CRPPA: variants seen among roughly 807,000 people sequenced by gnomAD.
CRPPA encodes the protein D-ribitol-5-phosphate cytidylyltransferase.
In CRPPA, 43 loss-of-function variants were observed where a neutral mutation model predicts 52.0. That is an observed-to-expected ratio of 0.83 (90% confidence interval 0.65 to 1.07). The LOEUF is 1.07. Among genes scored for constraint, CRPPA ranks in the 50% least tolerant of loss-of-function variants. CRPPA has a pLI of 0.00. For missense variants in CRPPA, 629 were observed against 551.7 expected (o/e 1.14, Z -1.40); for synonymous variants, 250 against 203.5 (o/e 1.23, Z -1.94).
intron 9 of CRPPA, among the ~76,000 whole-genome samples, chr7:16,166,796 T>C (rs1478044044): frequency 6.6e-6 from 1 of 152,104 alleles, no homozygotes; most frequent in Non-Finnish European, 1.5e-5. Context: ...CACTACTCTG[T>C]AAAAACATCC....
intron 9 of CRPPA, among the ~76,000 whole-genome samples, chr7:16,123,249 C>A (rs968664057): frequency 6.6e-6 from 1 of 152,048 alleles, no homozygotes; most frequent in Non-Finnish European, 1.5e-5. Flanking sequence ...CATTTTTCTT[C>A]CCTTCAAAAC....
chr7:16,120,440 A>T (rs1026744522), intron 9 of CRPPA, among the ~76,000 whole-genome samples: 10 of 152,200 alleles, frequency 6.6e-5, no homozygotes, highest in African/African-American at 2.4e-4. Flanking sequence ...ACTGTAAAAC[A>T]TTAAATCCCA....
intron 3 of CRPPA, among the ~76,000 whole-genome samples, chr7:16,316,236 G>A (rs991744215): frequency 6.6e-6 from 1 of 152,050 alleles, no homozygotes; most frequent in Non-Finnish European, 1.5e-5. Flanking sequence ...GGTAGGAGGG[G>A]TTAAGAATGA....
At chr7:16,133,063 G>A (rs186588716) in intron 9 of CRPPA, among the ~76,000 whole-genome samples, 8 of 122,594 alleles carry the variant, frequency 6.5e-5, no homozygotes, top group African/African-American at 2.1e-4. Flanking sequence ...ATACTGAGGT[G>A]GGGGGATCAC....
chr7:16,388,907 G>GA (rs935979044), intron 2 of CRPPA, among the ~76,000 whole-genome samples: 14 of 148,964 alleles, frequency 9.4e-5, no homozygotes, highest in African/African-American at 2.2e-4. Context: ...AACCTTTGAC[G>GA]AAAAAAAAAG....
chr7:16,138,641 A>C (rs1782806499), intron 9 of CRPPA, among the ~76,000 whole-genome samples: 1 of 152,200 alleles, frequency 6.6e-6, no homozygotes, highest in South Asian at 2.1e-4. Context: ...TACTTTTCTC[A>C]TTATATAAAA....
intron 9 of CRPPA, among the ~76,000 whole-genome samples, chr7:16,207,706 G>C (rs1782005089): frequency 6.6e-6 from 1 of 152,104 alleles, no homozygotes; most frequent in African/African-American, 2.4e-5. Context: ...TAGACTATTT[G>C]TCATGCCATT....
intron 9 of CRPPA, among the ~76,000 whole-genome samples, chr7:16,179,504 G>C (rs1420360066): frequency 1.3e-5 from 2 of 152,072 alleles, no homozygotes; most frequent in Non-Finnish European, 2.9e-5. Flanking sequence ...GTAAGAGAGA[G>C]AGGTGTAACA....
intron 5 of CRPPA, among the ~76,000 whole-genome samples, chr7:16,285,342 G>A (rs1178048763): frequency 6.6e-6 from 1 of 152,002 alleles, no homozygotes; most frequent in African/African-American, 2.4e-5. Flanking sequence ...TACATGACCT[G>A]TCAACTTGAC....
intron 2 of CRPPA, among the ~76,000 whole-genome samples, chr7:16,401,541 T>A (rs1357788094): frequency 6.6e-6 from 1 of 152,202 alleles, no homozygotes; most frequent in African/African-American, 2.4e-5. Context: ...AGAAAATGCC[T>A]TCTTCCACCA....
intron 2 of CRPPA, among the ~76,000 whole-genome samples, chr7:16,383,432 GGGGGTCA>G (rs1431124022): frequency 2.6e-5 from 4 of 152,316 alleles, no homozygotes; most frequent in Admixed American, 1.3e-4. Flanking sequence ...TAGGCTGCTT[GGGGGTCA>G]GGGGTCAGGG....
intron 9 of CRPPA, among the ~76,000 whole-genome samples, chr7:16,214,099 G>A (rs1332008464): frequency 1.3e-5 from 2 of 152,164 alleles, no homozygotes; most frequent in African/African-American, 4.8e-5. Context: ...GTTATTTTAA[G>A]TGATAAATTT....
chr7:16,303,494 A>C (rs1044968122), intron 4 of CRPPA, among the ~76,000 whole-genome samples: 2 of 147,660 alleles, frequency 1.4e-5, no homozygotes, highest in Admixed American at 6.7e-5. Context: ...AAAAAAAAAA[A>C]AAAAAAAAAC....
At chr7:16,392,429 A>C (rs1787469466) in intron 2 of CRPPA, among the ~76,000 whole-genome samples, 1 of 152,158 alleles carries the variant, frequency 6.6e-6, no homozygotes, top group Non-Finnish European at 1.5e-5. Context: ...TCACACAGCT[A>C]CCTAGTTCAT....
At chr7:16,152,221 C>T (rs146557141) in intron 9 of CRPPA, among the ~76,000 whole-genome samples, 2 of 151,836 alleles carry the variant, frequency 1.3e-5, no homozygotes, top group African/African-American at 4.8e-5. Context: ...AAGTATTTTA[C>T]AATCAAGATA....
At chr7:16,222,300 G>C (rs1410009101) in intron 8 of CRPPA, among the ~76,000 whole-genome samples, 2 of 118,134 alleles carry the variant, frequency 1.7e-5, no homozygotes, top group Non-Finnish European at 3.4e-5. Flanking sequence ...GTGTTGCGGT[G>C]GGGGGAGGGG....
intron 2 of CRPPA, among the ~76,000 whole-genome samples, chr7:16,395,073 T>C (rs981183586): frequency 6.6e-6 from 1 of 152,156 alleles, no homozygotes; most frequent in Non-Finnish European, 1.5e-5. Flanking sequence ...GCAAGGCACA[T>C]CTCCCTGAGA....
intron 9 of CRPPA, among the ~76,000 whole-genome samples, chr7:16,180,776 A>G (rs1363737765): frequency 6.6e-6 from 1 of 152,078 alleles, no homozygotes; most frequent in African/African-American, 2.4e-5. Context: ...ATATAAATAT[A>G]GCTTATTGGA....
At chr7:16,154,744 A>G (rs1783140550) in intron 9 of CRPPA, among the ~76,000 whole-genome samples, 1 of 151,736 alleles carries the variant, frequency 6.6e-6, no homozygotes, top group African/African-American at 2.4e-5. Flanking sequence ...AAATACTATT[A>G]ATTTTATTTT....
Sources: allele counts gnomAD v4.1 joint callset (sites outside exome capture counted in the v4.1 genomes callset), GRCh38; gene constraint gnomAD v4.1.1; transcripts MANE v1.5; gene names NCBI Gene and HGNC (gene_info 2026-07-23, HGNC 2026-07-21).